The following NOTCH2NLR variants were observed in gnomAD, a reference collection of about 807,000 sequenced individuals.
NOTCH2NLR encodes the protein notch 2 N-terminal like R.
In NOTCH2NLR, 33 loss-of-function variants were observed where a neutral mutation model predicts 35.6. The ratio of observed to expected loss-of-function variants is 0.93; its 90% CI spans 0.70 to 1.24. The LOEUF is 1.24. NOTCH2NLR is among the 50% of genes most tolerant of loss of function. The pLI is 0.00. For missense variants in NOTCH2NLR, 276 were observed against 362.2 expected (o/e 0.76, Z 1.93); for synonymous variants, 103 against 141.0 (o/e 0.73, Z 1.91).
At chr1:120,733,064 C>T (rs1277296367) in intron 1 of NOTCH2NLR, among the ~76,000 whole-genome samples, 4 of 56,344 alleles carry the variant, frequency 7.1e-5, no homozygotes, top group South Asian at 4.1e-4. Context: ...TTTTGGTATA[C>T]GTCTTTGGTT....
rs2101410035 is a variant in NOTCH2NLR, at chr1:120,763,992, T to C, written c.155+283T>C. Among the ~76,000 whole-genome samples the C allele has an allele frequency of 4.4e-5, 5 of 114,870 alleles. 2 individuals are homozygous for C. The South Asian group carries it at 1.3e-3, about 30-fold the overall frequency. The allele number at this position is 114,870 out of a possible 152,430, so 75.4% of individuals were successfully genotyped here. On this transcript the variant is annotated intron_variant, in intron 2 of 4. Transcript: ENST00000624419. ...GACCAGGCATGGTGGCTCATGCTGG[T>C]AATCCCAGCACTTCAGGAGGCTGAG...
In NOTCH2NLR at chr1:120,793,567, A is replaced by G. The variant is rs1651519697; in HGVS notation, c.751+71A>G. The G allele has an allele frequency of 1.3e-5, 15 of 1,117,022 alleles. 3 individuals are homozygous for G. The highest frequency in any genetic ancestry group is 1.9e-5 in the Non-Finnish European group (15 of 797,014). The allele number at this position is 1,117,022 out of a possible 1,614,324, so 69.2% of individuals were successfully genotyped here. On this transcript the variant is annotated intron_variant, in intron 4 of 4. Coordinates refer to ENST00000624419, the Ensembl canonical transcript of NOTCH2NLR. ...CACAGGAGGTAGTGGGTGTGGCTCA[A>G]TTGCATTTTTTAGGAAGCGCAAGGA...
At chr1:120,765,863 A>G (rs1235461495) in intron 2 of NOTCH2NLR, among the ~76,000 whole-genome samples, 6 of 119,662 alleles carry the variant, frequency 5.0e-5, no homozygotes, top group African/African-American at 1.7e-4. Flanking sequence ...CATCATTCTC[A>G]GCAAACTAAC....
rs2101420440 is a variant in NOTCH2NLR at position 120,768,330 on chromosome 1, C to T, written c.155+4621C>T. 2.0e-5 allele frequency among the ~76,000 whole-genome samples: 2 copies of T among 102,126 alleles called. 1 individual carries two copies. The highest frequency in any genetic ancestry group is 1.9e-4 in the Admixed American group (2 of 10,388). 67.0% of individuals were successfully genotyped at this position (102,126 alleles called of 152,430 possible). The stretch of plus-strand genomic sequence containing the variant: ...CTCCCAGCCCCAGGAGCCTTCTGCT[C>T]AGTCTTTTCAGCCGTCCAGCTCTTA... On this transcript the variant is annotated intron_variant, in intron 2 of 4. Transcript: ENST00000624419.
chr1:120,728,505 G>C (rs1650839727), intron 1 of NOTCH2NLR, among the ~76,000 whole-genome samples: 2 of 115,692 alleles, frequency 1.7e-5, no homozygotes, highest in Non-Finnish European at 3.3e-5. Context: ...AAATCACTTT[G>C]ACTTTGGAAT....
Position 120,777,603 on chromosome 1 carries a change from G to A in NOTCH2NLR, c.156-7371G>A, listed in dbSNP as rs1175764545. Among the ~76,000 whole-genome samples the A allele has an allele frequency of 3.4e-5, 3 of 87,188 alleles. 1 individual carries two copies. The highest frequency in any genetic ancestry group is 2.4e-4 in the African/African-American group (3 of 12,430). The allele number at this position is 87,188 out of a possible 152,430, so 57.2% of individuals were successfully genotyped here. ...CTATACACAAATACTTTTTTTTAAA[G>A]TTCTTTTTGTTTTTCCTTCTTGCTG... On this transcript the variant is annotated intron_variant, in intron 2 of 4. Transcript: ENST00000624419.
At chr1:120,790,502 A>C (rs1419483826) in intron 3 of NOTCH2NLR, among the ~76,000 whole-genome samples, 1 of 115,688 alleles carries the variant, frequency 8.6e-6, no homozygotes, top group Admixed American at 8.2e-5. Context: ...TGGAAACCAA[A>C]TTCAGGGTTG....
intron 2 of NOTCH2NLR, among the ~76,000 whole-genome samples, chr1:120,781,701 C>A (rs1381090320): frequency 1.2e-5 from 1 of 81,540 alleles, no homozygotes; most frequent in Admixed American, 1.2e-4. Context: ...GTAGCTGGGA[C>A]TACAGGCGCC....
intron 2 of NOTCH2NLR, among the ~76,000 whole-genome samples, chr1:120,778,620 A>ATT (rs1651328030): frequency 1.5e-5 from 1 of 65,872 alleles, no homozygotes; most frequent in Non-Finnish European, 2.6e-5. Flanking sequence ...TAAAAAAAAA[A>ATT]AAAAAAAAAA....
chr1:120,792,509 T>G (rs1651502832), intron 3 of NOTCH2NLR, among the ~76,000 whole-genome samples: 1 of 109,388 alleles, frequency 9.1e-6, no homozygotes. Flanking sequence ...GAAGTTGATT[T>G]TTTTTTTTTT....
exon 4 of NOTCH2NLR, chr1:120,793,206 C>T: frequency 6.9e-7 from 1 of 1,442,078 alleles, no homozygotes; most frequent in Non-Finnish European, 9.3e-7. Context: ...CATCTCTGTG[C>T]AAATGGAAGT....
chr1:120,750,479 T>C (rs1651010833), intron 1 of NOTCH2NLR, among the ~76,000 whole-genome samples: 1 of 106,710 alleles, frequency 9.4e-6, no homozygotes. Flanking sequence ...GAGATGTTAA[T>C]CCTAAATATA....
chr1:120,745,846 T>A (rs1650977797), intron 1 of NOTCH2NLR, among the ~76,000 whole-genome samples: 6 of 77,168 alleles, frequency 7.8e-5, no homozygotes, highest in Middle Eastern at 4.8e-3. Context: ...CAAGGTAAAG[T>A]AATTTTTCAA....
chr1:120,793,407 T>C (rs1651516056), exon 4 of NOTCH2NLR: 5 of 1,441,530 alleles, frequency 3.5e-6, no homozygotes, highest in South Asian at 1.2e-5. Context: ...TGTGACAGAC[T>C]GTATGTGCCC....
In NOTCH2NLR at chr1:120,763,112, C is replaced by T. The variant is rs1320977612; in HGVS notation, c.74-516C>T. Among the ~76,000 whole-genome samples the T allele has an allele frequency of 5.6e-5, 3 of 53,376 alleles. 1 individual carries two copies. Among genetic ancestry groups the T allele is most frequent in the Non-Finnish European group, 3.2e-5 (1 of 31,230 alleles). The allele number at this position is 53,376 out of a possible 152,430, so 35.0% of individuals were successfully genotyped here. The stretch of plus-strand genomic sequence containing the variant: ...CTTTTTTCTGGATCCTAATTTTGTG[C>T]CTGGTGCATACTAGGCTCTCAATTT... On this transcript the variant is annotated intron_variant, in intron 1 of 4. Coordinates refer to ENST00000624419, the Ensembl canonical transcript of NOTCH2NLR.
chr1:120,745,845 G>A, intron 1 of NOTCH2NLR, among the ~76,000 whole-genome samples: 1 of 81,494 alleles, frequency 1.2e-5, no homozygotes, highest in African/African-American at 8.4e-5. Context: ...ACAAGGTAAA[G>A]TAATTTTTCA....
Position 120,724,002 on chromosome 1 carries a change from G to A in NOTCH2NLR, c.-176G>A, listed in dbSNP as rs1194401624. The A allele has an allele frequency of 9.0e-6, 11 of 1,219,606 alleles. 2 individuals are homozygous for A. The highest frequency in any genetic ancestry group is 1.1e-5 in the Non-Finnish European group (11 of 973,092). 75.5% of individuals were successfully genotyped at this position (1,219,606 alleles called of 1,614,324 possible). Reference sequence around the variant, plus strand: ...CCGAGGAGCGGCGGACTCGGGGCGCGGGGAGTCGAGGCATTTGCACCTGGG... The same window carrying A: ...CCGAGGAGCGGCGGACTCGGGGCGCAGGGAGTCGAGGCATTTGCACCTGGG... On this transcript the variant is annotated 5_prime_UTR_variant, in exon 1 of 5. Coordinates refer to ENST00000624419, the Ensembl canonical transcript of NOTCH2NLR.
At chr1:120,791,315 A>G (rs1227411870) in intron 3 of NOTCH2NLR, among the ~76,000 whole-genome samples, 2 of 85,028 alleles carry the variant, frequency 2.4e-5, no homozygotes, top group African/African-American at 8.6e-5. Context: ...CCAAAGAATT[A>G]TAAATCGTGC....
chr1:120,729,030 G>A (rs1650846874), intron 1 of NOTCH2NLR, among the ~76,000 whole-genome samples: 1 of 116,154 alleles, frequency 8.6e-6, no homozygotes, highest in Non-Finnish European at 1.6e-5. Flanking sequence ...CAACTGAGTG[G>A]CAGGTCTTAG....
Sources: gnomAD v4.1 joint callset for allele counts (sites outside exome capture counted in the v4.1 genomes callset) on GRCh38, gnomAD v4.1.1 for gene constraint, MANE v1.5 for transcripts, NCBI Gene and HGNC (gene_info 2026-07-23, HGNC 2026-07-21) for gene names.